Variants in LONRF2 observed in about 807,000 individuals in gnomAD.
The protein encoded by LONRF2 is LON peptidase N-terminal domain and RING finger protein 2.
A neutral mutation model predicts 66.6 loss-of-function variants in LONRF2; 35 were observed. The observed-to-expected ratio is 0.53, with a 90% CI of 0.40 to 0.70. The LOEUF (loss-of-function observed/expected upper bound fraction) is 0.70, where lower values mean the gene tolerates loss of function less well. Ranked by LOEUF, LONRF2 falls within the 30% of genes least tolerant of loss-of-function variation. The probability of loss-of-function intolerance (pLI) is 0.00; values close to 1 mark genes in which losing one functional copy is unlikely to be tolerated. For missense variants in LONRF2, 902 were observed against 1,002.1 expected (o/e 0.90, Z 1.35); for synonymous variants, 417 against 418.1 (o/e 1.00, Z 0.03).
chr2:100,296,571 G>A (rs1675071723), intron 7 of LONRF2, among the ~76,000 whole-genome samples: 1 of 152,128 alleles, frequency 6.6e-6, no homozygotes. Context: ...CATACTGCCA[G>A]GTTTCCTTGT....
At chr2:100,318,841 A>AAAAG (rs1265637647) in intron 1 of LONRF2, among the ~76,000 whole-genome samples, 11 of 150,792 alleles carry the variant, frequency 7.3e-5, no homozygotes, top group Non-Finnish European at 1.3e-4. Context: ...CAAAAAAAAA[A>AAAAG]AAAGAAAAGG....
chr2:100,288,400 A>T (rs569244252), intron 10 of LONRF2, among the ~76,000 whole-genome samples: 154 of 152,380 alleles, frequency 1.0e-3, no homozygotes, highest in African/African-American at 3.6e-3. Context: ...TCACTTCCAC[A>T]ATTCCAAATG....
At chr2:100,291,656 G>A (rs1462823138) in intron 9 of LONRF2, among the ~76,000 whole-genome samples, 1 of 151,940 alleles carries the variant, frequency 6.6e-6, no homozygotes, top group African/African-American at 2.4e-5. Context: ...CCTAAGGCAC[G>A]GCCCTGCAGA....
rs187252148 is a variant in LONRF2 at position 100,310,854 on chromosome 2, C to T, written c.680-1629G>A. Among the ~76,000 whole-genome samples the T allele has an allele frequency of 7.9e-5, 12 of 152,194 alleles. No homozygotes were observed. In the East Asian group the frequency reaches 1.2e-3, roughly 15 times the overall value. On this transcript the variant is annotated intron_variant, in intron 1 of 11. Transcript: ENST00000393437. ...CAAATTTTGACAGATTTCTTATTGACGCAATTTAAAATATGGTAACAATAA... is the reference window on the plus strand; with the variant it reads ...CAAATTTTGACAGATTTCTTATTGATGCAATTTAAAATATGGTAACAATAA...
At chr2:100,320,091 A>G (rs1675589937) in intron 1 of LONRF2, among the ~76,000 whole-genome samples, 1 of 152,206 alleles carries the variant, frequency 6.6e-6, no homozygotes. Flanking sequence ...AAAAAAGTAA[A>G]ATCTCAATTA....
intron 7 of LONRF2, among the ~76,000 whole-genome samples, chr2:100,296,764 G>A (rs1675076636): frequency 6.6e-6 from 1 of 152,074 alleles, no homozygotes. Flanking sequence ...TTTAATAAAT[G>A]GTTTATGATG....
intron 2 of LONRF2, among the ~76,000 whole-genome samples, chr2:100,305,762 T>C (rs1675278003): frequency 6.6e-6 from 1 of 152,216 alleles, no homozygotes. Context: ...ACATTGATAA[T>C]AAATGTGAAG....
chr2:100,286,926 T>G lies in LONRF2; in HGVS notation c.2058A>C (p.Glu686Asp), dbSNP rs746520786. The change falls in exon 11 of 12, where the codon GAA (glutamate) becomes GAC (aspartate). Residue 686 changes from glutamate (E) to aspartate (D), a missense_variant. Glu to Asp is a conservative substitution (Grantham distance 45). Transcript: ENST00000393437. ...LSHFGVMPDR[E>D]PEPQSNPSGP... ...AGGGAGGGCATACCTGAGGCTCAGG[T>G]TCTCTGTCTGGCATTACCCCAAAAT... 2.5e-6 allele frequency: 4 copies of G among 1,613,672 alleles called. No homozygotes were observed. In the African/African-American group the frequency reaches 5.3e-5, roughly 22 times the overall value.
intron 10 of LONRF2, among the ~76,000 whole-genome samples, chr2:100,288,409 T>C (rs1674889860): frequency 6.6e-6 from 1 of 152,206 alleles, no homozygotes; most frequent in Admixed American, 6.5e-5. Flanking sequence ...CAATTCCAAA[T>C]GTCAACCAAA....
At chr2:100,284,972 C>T (rs1034356132) in intron 11 of LONRF2, among the ~76,000 whole-genome samples, 19 of 152,136 alleles carry the variant, frequency 1.2e-4, no homozygotes, top group Non-Finnish European at 2.1e-4. Context: ...GTATGCATGT[C>T]ATATGCAAGA....
In LONRF2 at chr2:100,277,424, A is replaced by C. The variant is rs1030502838; in HGVS notation, c.*6874T>G. On this transcript the variant is annotated 3_prime_UTR_variant, in exon 12 of 12. Transcript: ENST00000393437. ...ATAAACACCTGACAAGCTCAGCAAA[A>C]CTACCGATGCCTCCTTAACACAGGA... 2.0e-5 allele frequency: 3 copies of C among 152,220 alleles called. No individual in the cohort carries two copies. The highest frequency in any genetic ancestry group is 6.5e-5 in the Admixed American group (1 of 15,274). The allele number at this position is 152,220 out of a possible 1,614,324, so 9.4% of individuals were successfully genotyped here.
chr2:100,273,058 G>A lies in LONRF2; in HGVS notation c.*11240C>T, dbSNP rs1674530155. On this transcript the variant is annotated 3_prime_UTR_variant, in exon 12 of 12. Coordinates refer to ENST00000393437, the MANE Select transcript of LONRF2 (RefSeq NM_198461.4). ...GATTAGGGTGGAAGTTAAATCTAAT[G>A]ACTGGTGTCCTTATATAAGGAAAGG... Among the ~76,000 whole-genome samples, 2 of 152,192 alleles carry A rather than the reference G, an allele frequency of 1.3e-5. No individual in the cohort carries two copies. Among genetic ancestry groups the A allele is most frequent in the South Asian group, 4.1e-4 (2 of 4,830 alleles).
rs1443321147 is a variant in LONRF2 at position 100,298,841 on chromosome 2, A to C, written c.1471T>G (p.Ser491Ala). ...ATTTCCTAAAGTGTACTTACTTCCG[A>C]AAGTTTGTCTTTGCACAAAGGACAG... ...PHCPLCKDKL[S>A]ELLASRNFNI... is the part of the protein sequence containing the mutation. Residue 491 changes from serine to alanine, a missense_variant, in exon 7 of 12, where the codon TCG (serine) becomes GCG (alanine). Ser to Ala is a moderately conservative substitution (Grantham distance 99, BLOSUM62 1). This residue lies in a region of LONRF2 where 317 missense variants were observed against 432.2 expected (regional missense o/e 0.73). Transcript: ENST00000393437. 6 of 1,613,296 alleles carry C rather than the reference A, an allele frequency of 3.7e-6. No homozygotes were observed. The South Asian group carries it at 6.6e-5, about 18-fold the overall frequency.
intron 3 of LONRF2, 47 bp downstream of exon 3, chr2:100,302,874 G>C (rs776565913): frequency 1.3e-6 from 2 of 1,488,246 alleles, no homozygotes. Flanking sequence ...GGACATGAAG[G>C]CTATAAATAA....
intron 1 of LONRF2, among the ~76,000 whole-genome samples, chr2:100,316,680 T>A (rs1675515411): frequency 6.6e-6 from 1 of 152,222 alleles, no homozygotes; most frequent in Admixed American, 6.5e-5. Context: ...TTTGCAGTAG[T>A]TGTATGTAGT....
intron 11 of LONRF2, among the ~76,000 whole-genome samples, chr2:100,285,513 C>T (rs528647634): frequency 3.9e-5 from 6 of 152,220 alleles, no homozygotes; most frequent in African/African-American, 1.4e-4. Flanking sequence ...GAAAAATGGT[C>T]CCCCATATGG....
Position 100,284,485 on chromosome 2 carries a change from G to A in LONRF2, c.2078C>T (p.Pro693Leu). The A allele has an allele frequency of 6.3e-7, 1 of 1,579,518 alleles. No individual in the cohort carries two copies. Among genetic ancestry groups the A allele is most frequent in the Non-Finnish European group, 8.6e-7 (1 of 1,163,202 alleles). Residue 693 changes from proline (P) to leucine (L), a missense_variant, in exon 12 of 12, where the codon CCC becomes CTC. Transcript: ENST00000393437. ...CCACCAGGACCAGGCAGGGCCGCTG[G>A]GATTACTCTGCAAAAGAGATGAGGG... The part of the protein sequence containing the change: ...PDREPEPQSN[P>L]SGPAWSWWIL...
chr2:100,308,885 A>T (rs1172777113), intron 2 of LONRF2, among the ~76,000 whole-genome samples: 3 of 152,192 alleles, frequency 2.0e-5, no homozygotes, highest in African/African-American at 7.2e-5. Context: ...AATATCTATT[A>T]AGTGTAATAG....
chr2:100,304,534 A>G (rs1260928095), intron 2 of LONRF2, among the ~76,000 whole-genome samples: 1 of 152,064 alleles, frequency 6.6e-6, no homozygotes, highest in African/African-American at 2.4e-5. Context: ...CATGCAATTT[A>G]ACTCTTTGAA....
Sources: gnomAD v4.1 joint callset for allele counts (sites outside exome capture counted in the v4.1 genomes callset) on GRCh38, gnomAD v4.1.1 for gene constraint, gnomAD v4.1.1 regional missense constraint, MANE v1.5 for transcripts, NCBI Gene and HGNC (gene_info 2026-07-23, HGNC 2026-07-21) for gene names.